SMYD3: variants seen among roughly 807,000 people sequenced by gnomAD.
The protein encoded by SMYD3 is histone-lysine N-methyltransferase SMYD3.
In SMYD3, 36 loss-of-function variants were observed where a neutral mutation model predicts 57.7. That is an observed-to-expected ratio of 0.62 (90% confidence interval 0.48 to 0.82). The LOEUF is 0.82. Ranked by LOEUF, SMYD3 falls within the 40% of genes least tolerant of loss-of-function variation. The pLI, the probability that SMYD3 is intolerant of heterozygous loss-of-function variation, is 0.00. For synonymous variants in SMYD3, 211 were observed against 195.0 expected (o/e 1.08, Z -0.68); for missense variants, 515 against 538.8 (o/e 0.96, Z 0.44).
intron 1 of SMYD3, among the ~76,000 whole-genome samples, chr1:246,404,154 G>C (rs1407892178): frequency 6.6e-6 from 1 of 152,192 alleles, no homozygotes; most frequent in South Asian, 2.1e-4. Flanking sequence ...TTTGCTTTTC[G>C]TTATAAAAGC....
intron 5 of SMYD3, among the ~76,000 whole-genome samples, chr1:246,249,646 AAC>A (rs936012721): frequency 8.5e-5 from 13 of 152,124 alleles, no homozygotes; most frequent in African/African-American, 2.7e-4. Context: ...AGCCCAACAA[AAC>A]AGTTTTACCT....
chr1:246,362,981 G>A (rs1278862014), intron 1 of SMYD3, among the ~76,000 whole-genome samples: 40 of 150,372 alleles, frequency 2.7e-4, no homozygotes, highest in African/African-American at 9.1e-4. Context: ...AGTGAGGAGC[G>A]TCTCTGCCCA....
chr1:246,310,271 G>C lies in SMYD3; in HGVS notation c.531+16930C>G, dbSNP rs1023396771. Reference sequence around the variant, plus strand: ...TCGGAGGCAAGTCTACCTGAAAAGAGAGAATGACACGAATAGACTGGAAGA... The same window carrying C: ...TCGGAGGCAAGTCTACCTGAAAAGACAGAATGACACGAATAGACTGGAAGA... On this transcript the variant is annotated intron_variant, in intron 5 of 11. Transcript: ENST00000490107. Among the ~76,000 whole-genome samples, 10 of 152,178 alleles carry C rather than the reference G, an allele frequency of 6.6e-5. No individual in the cohort carries two copies. The East Asian group carries it at 1.2e-3, about 18-fold the overall frequency.
intron 10 of SMYD3, among the ~76,000 whole-genome samples, chr1:245,827,990 G>C (rs1187725972): frequency 1.3e-5 from 2 of 152,122 alleles, no homozygotes; most frequent in African/African-American, 4.8e-5. Context: ...AGGAAAGAAA[G>C]GTTAAATTCT....
At chr1:246,416,473 G>A (rs2067062654) in intron 1 of SMYD3, among the ~76,000 whole-genome samples, 1 of 150,582 alleles carries the variant, frequency 6.6e-6, no homozygotes. Context: ...AACCCTATGT[G>A]CCAGAATAAC....
At chr1:246,008,582 C>A (rs2059219973) in intron 5 of SMYD3, among the ~76,000 whole-genome samples, 1 of 152,178 alleles carries the variant, frequency 6.6e-6, no homozygotes, top group African/African-American at 2.4e-5. Context: ...ATACTAGAGG[C>A]TCTGGCAGCA....
At chr1:246,424,281 TAGAG>T (rs1346741864) in intron 1 of SMYD3, among the ~76,000 whole-genome samples, 1 of 151,990 alleles carries the variant, frequency 6.6e-6, no homozygotes, top group African/African-American at 2.4e-5. Flanking sequence ...TATGATGAGT[TAGAG>T]ATAGATGTTT....
intron 4 of SMYD3, 58 bp downstream of exon 4, chr1:246,330,422 C>G (rs2065439335): frequency 7.3e-7 from 1 of 1,366,284 alleles, no homozygotes; most frequent in South Asian, 1.5e-5. Context: ...AATCCATTCA[C>G]CAACTCAGCA....
intron 7 of SMYD3, 118 bp from the exon 8 acceptor site, chr1:245,915,758 TATAAG>T: frequency 1.7e-6 from 1 of 602,346 alleles, no homozygotes; most frequent in South Asian, 2.6e-5. Context: ...AAACCAAAAA[TATAAG>T]AGAGAAGGTA....
At chr1:246,168,758 C>T (rs142623775) in intron 5 of SMYD3, among the ~76,000 whole-genome samples, 3 of 152,276 alleles carry the variant, frequency 2.0e-5, no homozygotes, top group East Asian at 3.9e-4. Context: ...AAGCAGTCCA[C>T]CTGCTTGGGT....
intron 5 of SMYD3, among the ~76,000 whole-genome samples, chr1:246,279,152 AC>A (rs1193374481): frequency 3.3e-5 from 5 of 152,192 alleles, no homozygotes; most frequent in Admixed American, 2.0e-4. Context: ...GTGGAGACAC[AC>A]ACCCCTTGGC....
intron 5 of SMYD3, among the ~76,000 whole-genome samples, chr1:246,250,760 A>C (rs2063785558): frequency 6.6e-6 from 1 of 152,190 alleles, no homozygotes; most frequent in African/African-American, 2.4e-5. Context: ...TACTCTCCCG[A>C]ATCAACTTTT....
chr1:246,034,212 G>A (rs1457468645), intron 5 of SMYD3, among the ~76,000 whole-genome samples: 1 of 152,140 alleles, frequency 6.6e-6, no homozygotes, highest in Non-Finnish European at 1.5e-5. Flanking sequence ...GTAACTCCAT[G>A]AAAGGGTCTG....
intron 5 of SMYD3, among the ~76,000 whole-genome samples, chr1:246,169,554 T>TA (rs2062290435): frequency 6.6e-6 from 1 of 152,026 alleles, no homozygotes; most frequent in African/African-American, 2.4e-5. Context: ...TGAAAAAAGA[T>TA]ACTTCCAGGC....
intron 5 of SMYD3, among the ~76,000 whole-genome samples, chr1:246,241,761 A>C (rs2063615596): frequency 6.6e-6 from 1 of 152,124 alleles, no homozygotes; most frequent in Admixed American, 6.6e-5. Context: ...TTATTGCCTC[A>C]ATTTCAGAGC....
rs188575184 is a variant in SMYD3 at position 245,900,701 on chromosome 1, A to G, written c.813+14829T>C. Reference sequence around the variant, plus strand: ...CAGCCCAGATGTCACCTGTTACAATAAAACTAAGATCACTATGACCCCCAT... The same window carrying G: ...CAGCCCAGATGTCACCTGTTACAATGAAACTAAGATCACTATGACCCCCAT... On this transcript the variant is annotated intron_variant, in intron 8 of 11. Coordinates refer to ENST00000490107, the MANE Select transcript of SMYD3 (RefSeq NM_001167740.2). 1.5e-4 allele frequency among the ~76,000 whole-genome samples: 23 copies of G among 152,364 alleles called. No individual in the cohort carries two copies. In the East Asian group the frequency reaches 4.2e-3, roughly 28 times the overall value.
intron 1 of SMYD3, among the ~76,000 whole-genome samples, chr1:246,385,618 A>G (rs2066464505): frequency 6.6e-6 from 1 of 152,236 alleles, no homozygotes; most frequent in African/African-American, 2.4e-5. Context: ...GAAAGAATTC[A>G]GTAAAGAACC....
chr1:246,015,760 T>A (rs1223781134), intron 5 of SMYD3, among the ~76,000 whole-genome samples: 1 of 152,236 alleles, frequency 6.6e-6, no homozygotes, highest in African/African-American at 2.4e-5. Context: ...ATAGCATGTG[T>A]CAAAGTTTCC....
intron 1 of SMYD3, among the ~76,000 whole-genome samples, chr1:246,465,795 C>T (rs1192296862): frequency 1.3e-5 from 2 of 152,050 alleles, no homozygotes; most frequent in East Asian, 3.9e-4. Flanking sequence ...TTTTTTGAAA[C>T]AGAGTCTCAC....
Sources: gnomAD v4.1 joint callset for allele counts (sites outside exome capture counted in the v4.1 genomes callset) on GRCh38, gnomAD v4.1.1 for gene constraint, MANE v1.5 for transcripts, NCBI Gene and HGNC (gene_info 2026-07-23, HGNC 2026-07-21) for gene names.